The following LTBP4 variants were observed in gnomAD, a reference collection of about 807,000 sequenced individuals.
LTBP4 encodes the protein latent-transforming growth factor beta-binding protein 4.
In LTBP4, 93 loss-of-function variants were observed where a neutral mutation model predicts 180.2. The ratio of observed to expected loss-of-function variants is 0.52; its 90% CI spans 0.44 to 0.61. The LOEUF (loss-of-function observed/expected upper bound fraction) is 0.61, where lower values mean the gene tolerates loss of function less well. LTBP4 is among the 20% of genes least tolerant of loss of function. LTBP4 has a pLI of 0.00. For synonymous variants in LTBP4, 947 were observed against 934.5 expected (o/e 1.01, Z -0.24); for missense variants, 2,116 against 2,256.5 (o/e 0.94, Z 1.26).
rs80004291 is a variant in LTBP4 at position 40,618,899 on chromosome 19, G to C, written c.3071-448G>C. Among the ~76,000 whole-genome samples the C allele has an allele frequency of 6.4e-3, 978 of 152,196 alleles. 48 individuals are homozygous for C. In the East Asian group the frequency reaches 0.14, roughly 21 times the overall value. On this transcript the variant is annotated intron_variant, in intron 21 of 29. Coordinates refer to ENST00000396819, the MANE Select transcript of LTBP4 (RefSeq NM_001042545.2). ...TCTCTGAGTTCTGCTTTCTTCTATT[G>C]CATGATTTTCAGGCAGATTATTTTT... is the stretch of plus-strand genomic sequence containing the variant.
intron 21 of LTBP4, among the ~76,000 whole-genome samples, chr19:40,618,050 TTCTTC>T (rs1462563372): frequency 1.3e-5 from 2 of 152,070 alleles, no homozygotes; most frequent in Non-Finnish European, 2.9e-5. Flanking sequence ...TACCAATGTA[TTCTTC>T]TCTTCTCTCT....
chr19:40,625,252 T>A (rs368192916), intron 26 of LTBP4, among the ~76,000 whole-genome samples: 1,469 of 43,946 alleles, frequency 0.033, 61 homozygotes, highest in South Asian at 0.07. Flanking sequence ...ATTTTTGTAT[T>A]TATATATATA....
chr19:40,600,097 G>T (rs768294234), upstream of LTBP4: 3 of 1,259,884 alleles, frequency 2.4e-6, no homozygotes, highest in African/African-American at 4.6e-5. This position sits in a 1 kb window ranked among gnomAD's most constrained non-coding sequence, Gnocchi z 4.4. Flanking sequence ...CTACTGAAGC[G>T]GCGGCGGCCC....
chr19:40,602,422 C>T (rs1210090703), intron 1 of LTBP4, among the ~76,000 whole-genome samples: 2 of 152,040 alleles, frequency 1.3e-5, no homozygotes, highest in African/African-American at 4.8e-5. Context: ...TGGGATCGGG[C>T]CTTCCTGCCC....
chr19:40,596,012 C>T, intron 1 of LTBP4, among the ~76,000 whole-genome samples: 1 of 141,206 alleles, frequency 7.1e-6, no homozygotes, highest in Middle Eastern at 3.4e-3. Context: ...CCTCCACCTC[C>T]TGGGTTCAAA....
At chr19:40,623,579 ATCTC>A in intron 24 of LTBP4, 21 bp from the exon 25 acceptor site, 2 of 1,602,762 alleles carry the variant, frequency 1.2e-6, no homozygotes, top group Non-Finnish European at 1.7e-6. Context: ...GCCCGCCCCC[ATCTC>A]TCTCTCTGCT....
Position 40,611,345 on chromosome 19 carries a change from T to C in LTBP4, c.2004T>C (p.Cys668=). The change falls in exon 13 of 30, where the codon TGT becomes TGC. Residue 668 remains cysteine (C), a synonymous_variant. Coordinates refer to ENST00000396819, the MANE Select transcript of LTBP4 (RefSeq NM_001042545.2). The surrounding 1 kb of genome is among the most constrained non-coding windows in gnomAD (Gnocchi z 4.4). ...RCDNTAGSFH[C]ACPAGFRSRG... is the part of the protein sequence containing the mutation. Reference sequence around the variant, plus strand: ...ACAACACGGCAGGCTCCTTTCACTGTGCCTGCCCTGCTGGCTTCCGCTCCC... The same window carrying C: ...ACAACACGGCAGGCTCCTTTCACTGCGCCTGCCCTGCTGGCTTCCGCTCCC... 1 of 1,610,570 alleles carries C rather than the reference T, an allele frequency of 6.2e-7. No individual in the cohort carries two copies. Among genetic ancestry groups the C allele is most frequent in the Admixed American group, 1.7e-5 (1 of 59,922 alleles).
At chr19:40,626,146 A>T (rs1318921452) in intron 27 of LTBP4, 137 bp downstream of exon 27, 2 of 985,542 alleles carry the variant, frequency 2.0e-6, no homozygotes, top group Non-Finnish European at 2.8e-6. Flanking sequence ...GTCGCAGCCC[A>T]TCCCAAAATC....
In LTBP4 at chr19:40,608,375, C is replaced by T. The variant is rs1452669027; in HGVS notation, c.1306+6C>T. ...CACCTCTCGGCCATCTGCAGGTGAG[C>T]TGGCTCTGGCAGAAGTGGGTGCCAT... On this transcript the variant is annotated splice_donor_region_variant and intron_variant, in intron 8 of 29. Transcript: ENST00000396819. The T allele has an allele frequency of 6.2e-7, 1 of 1,611,096 alleles. No homozygotes were observed. The highest frequency in any genetic ancestry group is 8.5e-7 in the Non-Finnish European group (1 of 1,178,270).
Position 40,616,292 on chromosome 19 carries a change from T to TAA in LTBP4, c.2813-590_2813-589dup, listed in dbSNP as rs72117985. On this transcript the variant is annotated intron_variant, in intron 19 of 29. Transcript: ENST00000396819. ...CTGAGCAACAGAGCAAGACCCCATT[T>TAA]AAAAAAAAGAAAAAAAAGCTGGATG... 2.0e-4 allele frequency among the ~76,000 whole-genome samples: 27 copies of TAA among 136,460 alleles called. 1 individual carries two copies. Among genetic ancestry groups the TAA allele is most frequent in the Admixed American group, 2.1e-4 (3 of 14,080 alleles). 89.5% of individuals were successfully genotyped at this position (136,460 alleles called of 152,430 possible).
At chr19:40,594,433 G>C (rs1342093763) in intron 1 of LTBP4, 1 of 152,146 alleles carries the variant, frequency 6.6e-6, no homozygotes, top group African/African-American at 2.4e-5. Flanking sequence ...GGAGGCTAAC[G>C]CCGGAAGTTG....
intron 21 of LTBP4, 44 bp downstream of exon 21, chr19:40,617,269 AG>A: frequency 6.3e-7 from 1 of 1,584,184 alleles, no homozygotes; most frequent in Non-Finnish European, 8.6e-7. Context: ...GGGGTGGGGG[AG>A]GTTGGTCAGG....
At position 40,629,430 on chromosome 19, in the gene LTBP4, C is replaced by G. The variant is rs367955566; in HGVS notation, c.4554C>G (p.Ser1518=). The part of the protein sequence containing the change: ...INECDEAEAA[S]PLCVNARCLN... The stretch of plus-strand genomic sequence containing the variant: ...AGTGTGATGAGGCCGAGGCTGCCTC[C>G]CCGCTGTGCGTCAACGCGCGTTGCC... Residue 1518 remains serine (S), a synonymous_variant, in exon 30 of 30, where the codon TCC becomes TCG. Coordinates refer to ENST00000396819, the MANE Select transcript of LTBP4 (RefSeq NM_001042545.2). The surrounding 1 kb of genome is among the most constrained non-coding windows in gnomAD (Gnocchi z 4.5). The G allele has an allele frequency of 5.6e-6, 9 of 1,612,670 alleles. No individual in the cohort carries two copies. Among genetic ancestry groups the G allele is most frequent in the Non-Finnish European group, 7.6e-6 (9 of 1,179,542 alleles).
Position 40,627,792 on chromosome 19 carries a change from C to T in LTBP4, c.4454C>T (p.Pro1485Leu), listed in dbSNP as rs550121075. Residue 1485 changes from proline to leucine, a missense_variant, in exon 29 of 30, where the codon CCC (proline) becomes CTC (leucine). Around this residue, in one of 5 missense-constraint regions of LTBP4, gnomAD observed 488 missense variants for 458.8 expected, o/e 1.06. Coordinates refer to ENST00000396819, the MANE Select transcript of LTBP4 (RefSeq NM_001042545.2). Reference sequence around the variant, plus strand: ...ACCAACGGCCGCTGCGTGCGCGTCCCCGAAGGCTTCACCTGCCGTTGCTTC... The same window carrying T: ...ACCAACGGCCGCTGCGTGCGCGTCCTCGAAGGCTTCACCTGCCGTTGCTTC... Reference protein sequence around the residue: ...GCTNGRCVRVPEGFTCRCFDG... With the variant: ...GCTNGRCVRVLEGFTCRCFDG... 3 of 1,571,034 alleles carry T rather than the reference C, an allele frequency of 1.9e-6. No homozygotes were observed. The highest frequency in any genetic ancestry group is 1.2e-5 in the South Asian group (1 of 86,046).
intron 19 of LTBP4, among the ~76,000 whole-genome samples, chr19:40,615,012 G>C (rs1467797543): frequency 1.3e-5 from 2 of 152,042 alleles, no homozygotes; most frequent in East Asian, 3.9e-4. Flanking sequence ...GATGGCTCCA[G>C]TCTCTCGAAC....
rs1173014486 is a variant in LTBP4, at chr19:40,619,357, G to A, written c.3081G>A (p.Glu1027=). ...GTCTCCTGCTTACAGATGTGAACGA[G>A]TGTGAAACACTACAGGGTGTATGTG... ...RDGRHCVDVN[E]CETLQGVCGA... The change falls in exon 22 of 30, where the codon GAG becomes GAA. Residue 1027 remains glutamate, a synonymous_variant. Transcript: ENST00000396819. The A allele has an allele frequency of 1.1e-5, 18 of 1,613,714 alleles. No homozygotes were observed. The highest frequency in any genetic ancestry group is 1.4e-5 in the Non-Finnish European group (16 of 1,179,788).
Position 40,613,494 on chromosome 19 carries a change from G to T in LTBP4, c.2522G>T (p.Gly841Val). The T allele has an allele frequency of 6.3e-7, 1 of 1,583,532 alleles. No homozygotes were observed. Among genetic ancestry groups the T allele is most frequent in the South Asian group, 1.2e-5 (1 of 86,776 alleles). Residue 841 changes from glycine (G) to valine (V), a missense_variant, in exon 17 of 30, where the codon GGC becomes GTC. Gly to Val is a moderately radical substitution (Grantham distance 109). Transcript: ENST00000396819. This position sits in a 1 kb window ranked among gnomAD's most constrained non-coding sequence, Gnocchi z 5.0. ...DGSFACTCAP[G>V]YRPGPRGASC... ...TCCTTTGCCTGTACTTGTGCCCCTG[G>T]CTACCGACCCGGACCCCGCGGAGCC...
rs527906765 is a variant in LTBP4, at chr19:40,612,011, G to A, written c.2179+27G>A. On this transcript the variant is annotated intron_variant, in intron 14 of 29. Transcript: ENST00000396819. ...TGAGGCCGGGGAGGGAGGGAGGAGTGTGGATGGGTGAGGGGGGAGTTGGAC... is the reference window on the plus strand; with the variant it reads ...TGAGGCCGGGGAGGGAGGGAGGAGTATGGATGGGTGAGGGGGGAGTTGGAC... 14 of 1,612,724 alleles carry A rather than the reference G, an allele frequency of 8.7e-6. No homozygotes were observed. In the East Asian group the frequency reaches 2.9e-4, roughly 33 times the overall value.
Position 40,622,626 on chromosome 19 carries a change from G to A in LTBP4, c.3443G>A (p.Gly1148Asp). 6.2e-7 allele frequency: 1 copy of A among 1,609,494 alleles called. No homozygotes were observed. Among genetic ancestry groups the A allele is most frequent in the Non-Finnish European group, 8.5e-7 (1 of 1,177,870 alleles). Residue 1148 changes from glycine to aspartate, a missense_variant, in exon 23 of 30, where the codon GGC (glycine) becomes GAC (aspartate). Physicochemically the swap from Gly to Asp is moderately conservative, Grantham distance 94 (BLOSUM62 -1). Transcript: ENST00000396819. The surrounding 1 kb of genome is among the most constrained non-coding windows in gnomAD (Gnocchi z 5.1). ...TGCTGTACTGTGGGTGAGGGCTGGG[G>A]CAGCGGCTGCCGCATCCAGCAGTGC... ...ECCCTVGEGW[G>D]SGCRIQQCPG...
Sources: gnomAD v4.1 joint callset for allele counts (sites outside exome capture counted in the v4.1 genomes callset) on GRCh38, gnomAD v4.1.1 for gene constraint, gnomAD v4.1.1 regional missense constraint, Gnocchi (gnomAD v3.1) non-coding constraint, MANE v1.5 for transcripts, NCBI Gene and HGNC (gene_info 2026-07-23, HGNC 2026-07-21) for gene names.